The following MAPK8IP3 variants were observed in gnomAD, a reference collection of about 807,000 sequenced individuals.
MAPK8IP3 encodes the protein mitogen-activated protein kinase 8 interacting protein 3, also known as C-Jun-amino-terminal kinase-interacting protein 3.
MAPK8IP3 carries 49 observed loss-of-function variants against 157.8 expected under a neutral mutation model. The ratio of observed to expected loss-of-function variants is 0.31; its 90% CI spans 0.25 to 0.39. The LOEUF is 0.39. Among genes scored for constraint, MAPK8IP3 ranks in the 10% least tolerant of loss-of-function variants. The probability of loss-of-function intolerance (pLI) is 1.00; values close to 1 mark genes in which losing one functional copy is unlikely to be tolerated. For synonymous variants in MAPK8IP3, 897 were observed against 777.7 expected (o/e 1.15, Z -2.55); for missense variants, 1,478 against 1,889.4 (o/e 0.78, Z 4.04).
chr16:1,734,625 T>C (rs1295100451), intron 4 of MAPK8IP3, among the ~76,000 whole-genome samples: 1 of 152,244 alleles, frequency 6.6e-6, no homozygotes, highest in Non-Finnish European at 1.5e-5. Flanking sequence ...GGACAGGCCT[T>C]GGTGATGTAT....
Position 1,763,109 on chromosome 16 carries a change from C to T in MAPK8IP3, c.1898+103C>T. ...CCCTGAAGCGGGACTTTGAGGGCAG[C>T]CTCCACCTTGCTGGCCACATGCCAG... On this transcript the variant is annotated intron_variant, in intron 16 of 31. Transcript: ENST00000610761. 4 of 1,469,694 alleles carry T rather than the reference C, an allele frequency of 2.7e-6. No homozygotes were observed. The South Asian group carries it at 3.7e-5, about 14-fold the overall frequency. 91.0% of individuals were successfully genotyped at this position (1,469,694 alleles called of 1,614,324 possible).
At position 1,764,323 on chromosome 16, in the gene MAPK8IP3, A is replaced by C. The variant is rs746969067; in HGVS notation, c.2144A>C (p.Asn715Thr). Residue 715 changes from asparagine (N) to threonine (T), a missense_variant, in exon 19 of 32, where the codon AAC becomes ACC. By Grantham distance (65) the Asn-to-Thr change is moderately conservative (BLOSUM62 0). This residue lies in a region of MAPK8IP3 where 669 missense variants were observed against 759.8 expected (regional missense o/e 0.88). Coordinates refer to ENST00000610761, the MANE Select transcript of MAPK8IP3 (RefSeq NM_001318852.2). ...TMKLWCAAGV[N>T]LSGWRPNEDD... ...CAGCTGTGGTGTGCCGCGGGCGTCA[A>C]CCTGAGCGGGTGGAGGCCCAATGAG... 1 of 1,576,188 alleles carries C rather than the reference A, an allele frequency of 6.3e-7. No individual in the cohort carries two copies. Among genetic ancestry groups the C allele is most frequent in the African/African-American group, 1.3e-5 (1 of 74,180 alleles).
At chr16:1,712,905 C>T (rs1009659868) in intron 1 of MAPK8IP3, among the ~76,000 whole-genome samples, 1 of 152,260 alleles carries the variant, frequency 6.6e-6, no homozygotes, top group South Asian at 2.1e-4. Flanking sequence ...AGGCCTCTCT[C>T]CCGGCTTCCG....
chr16:1,763,236 G>T (rs997410064), intron 16 of MAPK8IP3, among the ~76,000 whole-genome samples: 1 of 152,252 alleles, frequency 6.6e-6, no homozygotes, highest in East Asian at 1.9e-4. Context: ...CTTGGCAGAG[G>T]CTGTGCCCAC....
chr16:1,760,147 G>A (rs537596728), intron 11 of MAPK8IP3, 132 bp downstream of exon 11: 29 of 1,093,804 alleles, frequency 2.7e-5, no homozygotes, highest in Non-Finnish European at 3.6e-5. Flanking sequence ...CATCTCTGGC[G>A]GGAGGAACTT....
chr16:1,737,373 TGA>T (rs145057693), intron 4 of MAPK8IP3, among the ~76,000 whole-genome samples: 1,483 of 95,962 alleles, frequency 0.015, 124 homozygotes, highest in African/African-American at 0.042. Context: ...ACCGTCCGTG[TGA>T]GAGTGTGACC....
intron 1 of MAPK8IP3, among the ~76,000 whole-genome samples, chr16:1,720,058 T>C (rs927279290): frequency 5.3e-5 from 8 of 152,196 alleles, no homozygotes; most frequent in African/African-American, 1.9e-4. Context: ...TTGTTTTTCT[T>C]TTGAGATGGA....
chr16:1,706,248 G>C lies in MAPK8IP3; in HGVS notation c.-92G>C, dbSNP rs908197280. ...TGAGGCGACAGCAGCTGCGGGAGGC[G>C]ACGGGCTGCGGCCTGCGGAACCTGA... On this transcript the variant is annotated 5_prime_UTR_variant, in exon 1 of 32. Transcript: ENST00000610761. The surrounding 1 kb of genome is among the most constrained non-coding windows in gnomAD (Gnocchi z 5.1). The C allele has an allele frequency of 9.1e-6, 11 of 1,211,318 alleles. No individual in the cohort carries two copies. The African/African-American group carries it at 1.8e-4, about 20-fold the overall frequency. The allele number at this position is 1,211,318 out of a possible 1,614,324, so 75.0% of individuals were successfully genotyped here. A position where few individuals can be genotyped will look rare whatever the true frequency, so the allele number is the denominator to read the frequency against.
rs1394887099 is a variant in MAPK8IP3 at position 1,766,625 on chromosome 16, G to A, written c.2916G>A (p.Met972Ile). 6.2e-7 allele frequency: 1 copy of A among 1,612,482 alleles called. No individual in the cohort carries two copies. The highest frequency in any genetic ancestry group is 1.7e-5 in the Admixed American group (1 of 59,996). ...CAGGCAGCAGTGCTGCACCCACCAT[G>A]TGGCTGGGAGCCCAGAACGGCTGGT... is the stretch of plus-strand genomic sequence containing the variant. ...TGAGSSAAPT[M>I]WLGAQNGWLY... The change falls in exon 23 of 32, where the codon ATG (methionine) becomes ATA (isoleucine). Residue 972 changes from methionine to isoleucine, a missense_variant. This residue lies in a region of MAPK8IP3 where 669 missense variants were observed against 759.8 expected (regional missense o/e 0.88). Transcript: ENST00000610761.
chr16:1,735,385 C>T (rs1046748455), intron 4 of MAPK8IP3, among the ~76,000 whole-genome samples: 28 of 150,824 alleles, frequency 1.9e-4, no homozygotes, highest in African/African-American at 6.4e-4. Context: ...CGTGAGCGTT[C>T]GTGTGGAACG....
intron 8 of MAPK8IP3, among the ~76,000 whole-genome samples, chr16:1,750,061 T>C (rs781525848): frequency 9.9e-5 from 15 of 152,102 alleles, no homozygotes; most frequent in Admixed American, 3.9e-4. Context: ...GTGCTGTGAA[T>C]TTTCTGTGGA....
chr16:1,768,627 G>C lies in MAPK8IP3; in HGVS notation c.3892+1G>C, dbSNP rs1229713937. ...GAGGGCTACATCGACTTCCGCATTGGTGAGCGGGGCCCAGGGACAGGGCTG... is the reference window on the plus strand; with the variant it reads ...GAGGGCTACATCGACTTCCGCATTGCTGAGCGGGGCCCAGGGACAGGGCTG... On this transcript the variant is annotated splice_donor_variant, in intron 31 of 31. Transcript: ENST00000610761. LOFTEE classifies it high-confidence loss of function. 2 of 1,605,696 alleles carry C rather than the reference G, an allele frequency of 1.2e-6. No homozygotes were observed. Among genetic ancestry groups the C allele is most frequent in the East Asian group, 2.2e-5 (1 of 44,604 alleles).
intron 12 of MAPK8IP3, 26 bp downstream of exon 12, chr16:1,760,558 TCAGAGAGGGACC>T (rs745708856): frequency 6.3e-7 from 1 of 1,599,868 alleles, no homozygotes; most frequent in Non-Finnish European, 8.5e-7. Flanking sequence ...GGAAAGCTGG[TCAGAGAGGGACC>T]CCGGCCTCAG....
Position 1,768,913 on chromosome 16 carries a change from C to T in MAPK8IP3, c.*89C>T. 2.0e-6 allele frequency: 3 copies of T among 1,484,036 alleles called. No homozygotes were observed. Among genetic ancestry groups the T allele is most frequent in the Non-Finnish European group, 2.7e-6 (3 of 1,093,176 alleles). The allele number at this position is 1,484,036 out of a possible 1,614,324, so 91.9% of individuals were successfully genotyped here. A position where few individuals can be genotyped will look rare whatever the true frequency, so the allele number is the denominator to read the frequency against. ...CCGCGGGGTAGCCAGCCAGGCGCCG[C>T]CGCCCCTCTTCTAACCTCTCAACCT... On this transcript the variant is annotated 3_prime_UTR_variant, in exon 32 of 32. Transcript: ENST00000610761.
At chr16:1,746,866 G>A (rs568996223) in intron 5 of MAPK8IP3, 163 bp from the exon 6 acceptor site, 25 of 844,164 alleles carry the variant, frequency 3.0e-5, no homozygotes, top group African/African-American at 2.1e-4. Context: ...GGTGAGGCCC[G>A]GAAGGGTTAG....
rs2040890801 is a variant in MAPK8IP3 at position 1,745,180 on chromosome 16, A to G, written c.747+1704A>G. The G allele has an allele frequency of 8.1e-6, 8 of 985,356 alleles. No individual in the cohort carries two copies. The Admixed American group carries it at 2.5e-4, about 30-fold the overall frequency. 61.0% of individuals were successfully genotyped at this position (985,356 alleles called of 1,614,324 possible). On this transcript the variant is annotated intron_variant, in intron 5 of 31. Transcript: ENST00000610761. ...GTGACGGAGAGCTAGGGGAGGCGCA[A>G]TCAGACTGCAGAATTCCCCGCAGCC...
At chr16:1,735,324 C>G (rs1290971889) in intron 4 of MAPK8IP3, among the ~76,000 whole-genome samples, 1 of 150,330 alleles carries the variant, frequency 6.7e-6, no homozygotes, top group African/African-American at 2.5e-5. Flanking sequence ...CCGTGTGTGT[C>G]CATGTGAGTG....
At chr16:1,766,472 G>A (rs2042266956) in intron 22 of MAPK8IP3, 57 bp from the exon 23 acceptor site, 3 of 1,602,956 alleles carry the variant, frequency 1.9e-6, no homozygotes, top group Admixed American at 1.7e-5. Flanking sequence ...GGGCCTCGGG[G>A]TCTTGGGGCA....
rs912361975 is a variant in MAPK8IP3 at position 1,751,958 on chromosome 16, T to G, written c.1216+3238T>G. 4 of 152,336 alleles carry G rather than the reference T, an allele frequency of 2.6e-5. No individual in the cohort carries two copies. Among genetic ancestry groups the G allele is most frequent in the African/African-American group, 9.6e-5 (4 of 41,462 alleles). 9.4% of individuals were successfully genotyped at this position (152,336 alleles called of 1,614,324 possible). A position where few individuals can be genotyped will look rare whatever the true frequency, so the allele number is the denominator to read the frequency against. ...CCTGTTTGCCCTAATGGGCCCCTGC[T>G]TGGTGCTTTCCACCTTTGGGAGGCT... On this transcript the variant is annotated intron_variant, in intron 8 of 31. Coordinates refer to ENST00000610761, the MANE Select transcript of MAPK8IP3 (RefSeq NM_001318852.2). The surrounding 1 kb of genome is among the most constrained non-coding windows in gnomAD (Gnocchi z 5.0).
Sources: allele counts gnomAD v4.1 joint callset (sites outside exome capture counted in the v4.1 genomes callset), GRCh38; gene constraint gnomAD v4.1.1; regional missense constraint gnomAD v4.1.1; non-coding constraint Gnocchi (gnomAD v3.1); transcripts MANE v1.5; gene names NCBI Gene and HGNC (gene_info 2026-07-23, HGNC 2026-07-21).